The following ZNF337 variants were observed in gnomAD, a reference collection of about 807,000 sequenced individuals.
The protein encoded by ZNF337 is zinc finger protein 337.
ZNF337 carries 8 observed loss-of-function variants against 12.1 expected under a neutral mutation model. The ratio of observed to expected loss-of-function variants is 0.66; its 90% CI spans 0.39 to 1.19. The LOEUF (loss-of-function observed/expected upper bound fraction) is 1.19. Among genes scored for constraint, ZNF337 ranks in the 50% most tolerant of loss-of-function variants. The pLI is 0.01. For synonymous variants in ZNF337, 336 were observed against 320.0 expected (o/e 1.05, Z -0.53); for missense variants, 882 against 896.6 (o/e 0.98, Z 0.21).
intron 1 of ZNF337, among the ~76,000 whole-genome samples, 194 bp downstream of exon 1, chr20:25,696,565 G>T (rs1001684473): frequency 3.3e-5 from 5 of 152,190 alleles, no homozygotes; most frequent in African/African-American, 1.2e-4. Context: ...CGGGGCGCTC[G>T]GCAAGCCGCA....
At chr20:25,690,757 C>A (rs769477427) in intron 1 of ZNF337, among the ~76,000 whole-genome samples, 3 of 152,074 alleles carry the variant, frequency 2.0e-5, no homozygotes, top group Non-Finnish European at 4.4e-5. Context: ...AAGCCACAAG[C>A]AAAGGTAAGA....
intron 4 of ZNF337, chr20:25,681,048 G>C (rs535289932): frequency 6.6e-6 from 1 of 152,320 alleles, no homozygotes; most frequent in South Asian, 2.1e-4. Context: ...CCAATGTGAT[G>C]GTATTTGGAG....
chr20:25,676,756 C>T lies in ZNF337; in HGVS notation c.532G>A (p.Gly178Arg), dbSNP rs2065701205. The change falls in exon 5 of 5, where the codon GGA becomes AGA. Residue 178 changes from glycine to arginine, a missense_variant. Physicochemically the swap from Gly to Arg is moderately radical, Grantham distance 125. Transcript: ENST00000252979. ...VLKGIENSRW[G>R]AFKCAERGQD... ...CCACGCTCTGCACACTTGAATGCTC[C>T]CCATCTTGAATTTTCTATTCCTTTC... 6.2e-7 allele frequency: 1 copy of T among 1,614,170 alleles called. No individual in the cohort carries two copies. Among genetic ancestry groups the T allele is most frequent in the East Asian group, 2.2e-5 (1 of 44,888 alleles).
In ZNF337 at chr20:25,674,984, A is replaced by G; in HGVS notation, c.*48T>C. 6.5e-7 allele frequency: 1 copy of G among 1,546,924 alleles called. No homozygotes were observed. The highest frequency in any genetic ancestry group is 1.2e-5 in the South Asian group (1 of 82,158). ...CCTCAACTAAAGCTTGTAACAAAGC[A>G]AAGTTACTCTCCTGAGTGTGTCCTC... On this transcript the variant is annotated 3_prime_UTR_variant, in exon 5 of 5. Transcript: ENST00000252979.
intron 1 of ZNF337, among the ~76,000 whole-genome samples, chr20:25,689,091 C>A (rs2065860866): frequency 6.8e-6 from 1 of 147,706 alleles, no homozygotes; most frequent in African/African-American, 2.5e-5. Context: ...GAGCCGAGAT[C>A]GCGCCACTGC....
chr20:25,675,687 T>C lies in ZNF337; in HGVS notation c.1601A>G (p.His534Arg), dbSNP rs1475658072. 3.7e-6 allele frequency: 6 copies of C among 1,614,074 alleles called. No homozygotes were observed. The highest frequency in any genetic ancestry group is 1.7e-5 in the Admixed American group (1 of 60,008). Residue 534 changes from histidine (H) to arginine (R), a missense_variant, in exon 5 of 5, where the codon CAT (histidine) becomes CGT (arginine). By Grantham distance (29) the His-to-Arg change is conservative (BLOSUM62 0). Transcript: ENST00000252979. ...CTTCTCTCCTGAGTGTGTCCTCTGA[T>C]GTATGGTGAGATTTGGCTTCAAGGT... Reference protein sequence around the residue: ...GFTLKPNLTIHQRTHSGEKPF... With the variant: ...GFTLKPNLTIRQRTHSGEKPF...
intron 4 of ZNF337, among the ~76,000 whole-genome samples, chr20:25,685,066 G>A (rs1357894611): frequency 1.3e-5 from 2 of 150,676 alleles, no homozygotes; most frequent in South Asian, 2.1e-4. Context: ...CATGGCACAT[G>A]TATACCTATG....
At position 25,675,152 on chromosome 20, in the gene ZNF337, A is replaced by G. The variant is rs1031230420; in HGVS notation, c.2136T>C (p.Pro712=). Reference sequence around the variant, plus strand: ...TTCGTCCACACTCTTGGCATTCATAAGGCCTCTCTCCTGTGTGTATTCTTT... The same window carrying G: ...TTCGTCCACACTCTTGGCATTCATAGGGCCTCTCTCCTGTGTGTATTCTTT... ...VHERIHTGER[P]YECQECGRKF... Residue 712 remains proline (P), a synonymous_variant, in exon 5 of 5, where the codon CCT becomes CCC. Coordinates refer to ENST00000252979, the MANE Select transcript of ZNF337 (RefSeq NM_015655.4). The G allele has an allele frequency of 1.2e-6, 2 of 1,614,114 alleles. No homozygotes were observed. Among genetic ancestry groups the G allele is most frequent in the Non-Finnish European group, 1.7e-6 (2 of 1,180,052 alleles).
chr20:25,690,589 A>T (rs2065875454), intron 1 of ZNF337, among the ~76,000 whole-genome samples: 3 of 152,216 alleles, frequency 2.0e-5, no homozygotes, highest in Non-Finnish European at 4.4e-5. Flanking sequence ...GAAGAAAAGC[A>T]CTGGATCATG....
intron 4 of ZNF337, among the ~76,000 whole-genome samples, chr20:25,680,301 G>T (rs940061854): frequency 6.6e-6 from 1 of 151,926 alleles, no homozygotes; most frequent in Non-Finnish European, 1.5e-5. Context: ...AATATTTGAG[G>T]TTATGGATCC....
rs1335492584 is a variant in ZNF337 at position 25,686,085 on chromosome 20, G to A, written c.65C>T (p.Thr22Ile). ...GCTCAGCAGCCTCCATTCCTTCTGG[G>A]TGAAATCCACAGTGACATCCCCAAA... is the stretch of plus-strand genomic sequence containing the variant. ...LAFGDVTVDF[T>I]QKEWRLLSPA... The change falls in exon 3 of 5, where the codon ACC (threonine) becomes ATC (isoleucine). Residue 22 changes from threonine (T) to isoleucine (I), a missense_variant. Physicochemically the swap from Thr to Ile is moderately conservative, Grantham distance 89 (BLOSUM62 -1). Transcript: ENST00000252979. The A allele has an allele frequency of 1.2e-6, 2 of 1,614,062 alleles. No homozygotes were observed. The highest frequency in any genetic ancestry group is 1.3e-5 in the African/African-American group (1 of 75,030).
At position 25,676,561 on chromosome 20, in the gene ZNF337, G is replaced by C; in HGVS notation, c.727C>G (p.Arg243Gly). The C allele has an allele frequency of 6.2e-7, 1 of 1,614,112 alleles. No homozygotes were observed. Among genetic ancestry groups the C allele is most frequent in the Non-Finnish European group, 8.5e-7 (1 of 1,180,004 alleles). Residue 243 changes from arginine (R) to glycine (G), a missense_variant, in exon 5 of 5, where the codon CGA becomes GGA. Physicochemically the swap from Arg to Gly is moderately radical, Grantham distance 125. Transcript: ENST00000252979. The stretch of plus-strand genomic sequence containing the variant: ...AGGTTGGCCTTGAGGCTGAAGCCTC[G>C]CCCACACACACTGCACACATAGGAC... ...EKSYVCSVCG[R>G]GFSLKANLLR...
intron 4 of ZNF337, 143 bp downstream of exon 4, chr20:25,685,424 A>G: frequency 1.5e-6 from 1 of 665,024 alleles, no homozygotes; most frequent in South Asian, 1.9e-5. Context: ...CTCAGCAAGG[A>G]CTGGAAGGAA....
Position 25,686,353 on chromosome 20 carries a change from C to G in ZNF337, c.27+38G>C, listed in dbSNP as rs570628073. The stretch of plus-strand genomic sequence containing the variant: ...GGGCCAGTGAAGGAAATGGGCCCAT[C>G]CTGTGACAGCAAGAACGACAGTTCT... On this transcript the variant is annotated intron_variant, in intron 2 of 4. Coordinates refer to ENST00000252979, the MANE Select transcript of ZNF337 (RefSeq NM_015655.4). 1.8e-5 allele frequency: 29 copies of G among 1,589,346 alleles called. 1 individual carries two copies. The South Asian group carries it at 3.2e-4, about 18-fold the overall frequency.
chr20:25,685,982 G>A lies in ZNF337; in HGVS notation c.154+14C>T, dbSNP rs1321753593. On this transcript the variant is annotated intron_variant, in intron 3 of 4. Coordinates refer to ENST00000252979, the MANE Select transcript of ZNF337 (RefSeq NM_015655.4). ...CACAGGCCAAATGTTAGGCTCGAGG[G>A]AAGCCACGCTTACCTAGTGAGACCA... is the stretch of plus-strand genomic sequence containing the variant. 2.5e-6 allele frequency: 4 copies of A among 1,602,402 alleles called. No individual in the cohort carries two copies. The highest frequency in any genetic ancestry group is 3.4e-6 in the Non-Finnish European group (4 of 1,176,754).
At chr20:25,680,582 CTA>C (rs1205858957) in intron 4 of ZNF337, among the ~76,000 whole-genome samples, 1 of 152,086 alleles carries the variant, frequency 6.6e-6, no homozygotes, top group Non-Finnish European at 1.5e-5. Context: ...ACTGCTGGTA[CTA>C]TGACAGTCAA....
intron 1 of ZNF337, among the ~76,000 whole-genome samples, chr20:25,696,306 C>A (rs972199979): frequency 1.1e-4 from 16 of 152,168 alleles, no homozygotes; most frequent in African/African-American, 3.4e-4. Flanking sequence ...TCGGACCTAG[C>A]CCATCCGTCT....
chr20:25,689,193 A>G (rs1234383273), intron 1 of ZNF337, among the ~76,000 whole-genome samples: 1 of 151,258 alleles, frequency 6.6e-6, no homozygotes, highest in African/African-American at 2.4e-5. Flanking sequence ...AGTCCCAGCT[A>G]CTCAGGAGTC....
Position 25,675,516 on chromosome 20 carries a change from T to G in ZNF337, c.1772A>C (p.Gln591Pro), listed in dbSNP as rs1480736342. 2 of 1,614,070 alleles carry G rather than the reference T, an allele frequency of 1.2e-6. No homozygotes were observed. Among genetic ancestry groups the G allele is most frequent in the African/African-American group, 2.7e-5 (2 of 74,940 alleles). ...FILKSTLLFHQKTHSGEKPFI... is the reference protein window; with the variant it reads ...FILKSTLLFHPKTHSGEKPFI... ...AGGCTTCTCCCCTGAGTGTGTCTTC[T>G]GGTGGAAGAGGAGAGTTGATTTTAG... The change falls in exon 5 of 5, where the codon CAG (glutamine) becomes CCG (proline). Residue 591 changes from glutamine to proline, a missense_variant. Physicochemically the swap from Gln to Pro is moderately conservative, Grantham distance 76 (BLOSUM62 -1). Coordinates refer to ENST00000252979, the MANE Select transcript of ZNF337 (RefSeq NM_015655.4).
Sources: gnomAD v4.1 joint callset for allele counts (sites outside exome capture counted in the v4.1 genomes callset) on GRCh38, gnomAD v4.1.1 for gene constraint, MANE v1.5 for transcripts, NCBI Gene and HGNC (gene_info 2026-07-23, HGNC 2026-07-21) for gene names.